Variants in SH3KBP1 observed in about 807,000 individuals in gnomAD.
SH3KBP1 encodes the protein SH3 domain containing kinase binding protein 1.
In SH3KBP1, 8 loss-of-function variants were observed where a neutral mutation model predicts 50.1. That is an observed-to-expected ratio of 0.16 (90% CI 0.09 to 0.29). SH3KBP1 has a LOEUF of 0.29. SH3KBP1 is among the 10% of genes least tolerant of loss of function. SH3KBP1 has a pLI of 1.00. For missense variants in SH3KBP1, 377 were observed against 535.2 expected (o/e 0.70, Z 2.92); for synonymous variants, 227 against 218.6 (o/e 1.04, Z -0.34).
intron 13 of SH3KBP1, among the ~76,000 whole-genome samples, chrX:19,562,958 A>T (rs1202977730): frequency 8.9e-6 from 1 of 112,366 alleles, no homozygotes; most frequent in Admixed American, 9.4e-5. Flanking sequence ...AACATTTGCC[A>T]TCATGTCCCC....
intron 2 of SH3KBP1, among the ~76,000 whole-genome samples, chrX:19,822,614 G>T (rs1303359662): frequency 8.9e-6 from 1 of 112,326 alleles, no homozygotes; most frequent in Non-Finnish European, 1.9e-5. Context: ...ACCTTTGTCA[G>T]ATAATTCCAA....
intron 17 of SH3KBP1, among the ~76,000 whole-genome samples, chrX:19,537,000 C>G (rs773812188): frequency 8.9e-6 from 1 of 112,072 alleles, no homozygotes; most frequent in Non-Finnish European, 1.9e-5. Context: ...CTACAGGGGA[C>G]AGAGCTCTAA....
intron 2 of SH3KBP1, among the ~76,000 whole-genome samples, chrX:19,790,623 AT>A (rs770664449): frequency 7.2e-5 from 8 of 111,104 alleles, no homozygotes; most frequent in African/African-American, 1.3e-4. Context: ...TACCAGCTAT[AT>A]TTTTTTTAAG....
At chrX:19,682,102 G>GT (rs1323080738) in intron 6 of SH3KBP1, among the ~76,000 whole-genome samples, 2 of 110,697 alleles carry the variant, frequency 1.8e-5, no homozygotes, top group African/African-American at 6.6e-5. Context: ...GGGTAGAGCA[G>GT]TTGGAGGAGG....
chrX:19,651,898 T>C (rs1294582289), intron 6 of SH3KBP1, among the ~76,000 whole-genome samples: 1 of 112,240 alleles, frequency 8.9e-6, no homozygotes, highest in Admixed American at 9.4e-5. Flanking sequence ...GCAGTTTAAC[T>C]ACCTTTCTTG....
At chrX:19,560,714 G>A (rs2065646672) in intron 13 of SH3KBP1, among the ~76,000 whole-genome samples, 2 of 111,068 alleles carry the variant, frequency 1.8e-5, no homozygotes, top group African/African-American at 6.6e-5. Context: ...AGAGCAGAGT[G>A]CACATTTCTT....
intron 15 of SH3KBP1, among the ~76,000 whole-genome samples, chrX:19,542,980 G>C (rs1021283022): frequency 8.9e-6 from 1 of 112,197 alleles, no homozygotes; most frequent in Admixed American, 9.4e-5. Flanking sequence ...GAGCTGGAGA[G>C]AACTGCTGGG....
intron 2 of SH3KBP1, among the ~76,000 whole-genome samples, chrX:19,833,301 C>A (rs1031943061): frequency 9.4e-6 from 1 of 106,302 alleles, no homozygotes; most frequent in African/African-American, 3.5e-5. Flanking sequence ...TTCTCCCCTT[C>A]CCACAGTCCT....
chrX:19,604,607 C>A (rs775020355), intron 9 of SH3KBP1, among the ~76,000 whole-genome samples: 1 of 111,886 alleles, frequency 8.9e-6, no homozygotes, highest in Non-Finnish European at 1.9e-5. Context: ...AGTGGCAGAA[C>A]GTTTCAGACT....
rs1359067354 is a variant in SH3KBP1 at position 19,586,950 on chromosome X, G to A, written c.1298+1693C>T. On this transcript the variant is annotated intron_variant, in intron 12 of 17. Coordinates refer to ENST00000397821, the MANE Select transcript of SH3KBP1 (RefSeq NM_031892.3). ...ATAAAAGGATGAATCCACCGGGCAC[G>A]GTGGCTCACACCTGTAATCCCAGCA... 5.4e-5 allele frequency among the ~76,000 whole-genome samples: 6 copies of A among 111,645 alleles called. No individual in the cohort carries two copies. In the South Asian group the frequency reaches 1.1e-3, roughly 21 times the overall value.
At chrX:19,791,803 G>C (rs187694041) in intron 2 of SH3KBP1, among the ~76,000 whole-genome samples, 17 of 111,471 alleles carry the variant, frequency 1.5e-4, no homozygotes, top group African/African-American at 5.2e-4. Flanking sequence ...AACAAGGCAC[G>C]AAACCCAAAT....
intron 6 of SH3KBP1, among the ~76,000 whole-genome samples, chrX:19,681,843 T>C (rs2063061319): frequency 9.0e-6 from 1 of 110,873 alleles, no homozygotes; most frequent in African/African-American, 3.3e-5. Flanking sequence ...TGTGAGCAGA[T>C]GAGTAGCATG....
chrX:19,844,332 G>A (rs1408425028), intron 1 of SH3KBP1, among the ~76,000 whole-genome samples: 2 of 111,601 alleles, frequency 1.8e-5, no homozygotes, highest in Non-Finnish European at 3.8e-5. Context: ...TGCACCATAC[G>A]ACACCAGGAG....
chrX:19,607,005 C>T (rs1219574537), intron 9 of SH3KBP1, among the ~76,000 whole-genome samples: 1 of 112,917 alleles, frequency 8.9e-6, no homozygotes, highest in Non-Finnish European at 1.9e-5. Flanking sequence ...TCTTGGCAGG[C>T]GCCAACACCA....
In SH3KBP1 at chrX:19,794,628, G is replaced by A. The variant is rs867072385; in HGVS notation, c.162+41497C>T. Among the ~76,000 whole-genome samples, 7 of 109,724 alleles carry A rather than the reference G, an allele frequency of 6.4e-5. No homozygotes were observed. In the South Asian group the frequency reaches 1.2e-3, roughly 18 times the overall value. On this transcript the variant is annotated intron_variant, in intron 2 of 17. Coordinates refer to ENST00000397821, the MANE Select transcript of SH3KBP1 (RefSeq NM_031892.3). Reference sequence around the variant, plus strand: ...TGAGGCAGGAGAATGGCATGAACTCGGGAGGCAGAGCTTGCAGTGAGCCGA... The same window carrying A: ...TGAGGCAGGAGAATGGCATGAACTCAGGAGGCAGAGCTTGCAGTGAGCCGA...
chrX:19,810,557 C>T (rs780039877), intron 2 of SH3KBP1, among the ~76,000 whole-genome samples: 2 of 112,003 alleles, frequency 1.8e-5, no homozygotes, highest in African/African-American at 3.3e-5. Flanking sequence ...AACTGTATTA[C>T]GTTGTCACAA....
At chrX:19,701,488 G>A (rs2063534633) in intron 4 of SH3KBP1, among the ~76,000 whole-genome samples, 1 of 110,732 alleles carries the variant, frequency 9.0e-6, no homozygotes, top group Non-Finnish European at 1.9e-5. Context: ...CATTAGGGGA[G>A]GTCCCAAAGT....
At chrX:19,838,881 T>G (rs772480855) in intron 1 of SH3KBP1, among the ~76,000 whole-genome samples, 2 of 83,033 alleles carry the variant, frequency 2.4e-5, no homozygotes, top group South Asian at 5.9e-4. Flanking sequence ...AGCGAAACTT[T>G]GTCTCAAAAA....
chrX:19,784,415 A>G (rs958059577), intron 2 of SH3KBP1, among the ~76,000 whole-genome samples: 1 of 111,177 alleles, frequency 9.0e-6, no homozygotes. Flanking sequence ...CCACTGCACA[A>G]AGAGGAAGTC....
Sources: gnomAD v4.1 joint callset for allele counts (sites outside exome capture counted in the v4.1 genomes callset) on GRCh38, gnomAD v4.1.1 for gene constraint, MANE v1.5 for transcripts, NCBI Gene and HGNC (gene_info 2026-07-23, HGNC 2026-07-21) for gene names.